The following CAST variants were observed in gnomAD, a reference collection of about 807,000 sequenced individuals.
CAST encodes the protein MIR583 host.
In CAST, 76 loss-of-function variants were observed where a neutral mutation model predicts 119.6. That is an observed-to-expected ratio of 0.64 (90% confidence interval 0.53 to 0.77). The LOEUF (loss-of-function observed/expected upper bound fraction) is 0.77, where lower values mean the gene tolerates loss of function less well. CAST is among the 30% of genes least tolerant of loss of function. CAST has a pLI of 0.00. For missense variants in CAST, 953 were observed against 946.5 expected (o/e 1.01, Z -0.09); for synonymous variants, 319 against 331.6 (o/e 0.96, Z 0.41).
At chr5:96,527,419 A>T (rs1216603840), upstream of CAST, among the ~76,000 whole-genome samples, 1 of 151,890 alleles carries the variant, frequency 6.6e-6, no homozygotes, top group Non-Finnish European at 1.5e-5. Flanking sequence ...GAGTCCCAAG[A>T]TTTTTTTTCC....
At chr5:96,496,850 G>T in the CAST span, among the ~76,000 whole-genome samples, 1 of 151,958 alleles carries the variant, frequency 6.6e-6, no homozygotes, top group Non-Finnish European at 1.5e-5. Context: ...TTTTTTAGGG[G>T]TGTTAGTGCT....
At chr5:96,683,631 T>G (rs1751710274) in intron 2 of CAST, among the ~76,000 whole-genome samples, 1 of 152,224 alleles carries the variant, frequency 6.6e-6, no homozygotes, top group Non-Finnish European at 1.5e-5. Context: ...TTTGTGGTAT[T>G]TCTCTGTGTG....
intron 1 of CAST, among the ~76,000 whole-genome samples, chr5:96,549,326 T>A (rs966429255): frequency 6.6e-6 from 1 of 152,378 alleles, no homozygotes; most frequent in East Asian, 1.9e-4. Context: ...TATTCCAAAA[T>A]TGGAGCCATC....
At chr5:96,677,086 A>G (rs1212942378) in intron 2 of CAST, among the ~76,000 whole-genome samples, 2 of 152,112 alleles carry the variant, frequency 1.3e-5, no homozygotes, top group East Asian at 3.9e-4. Context: ...GTGTCATTTA[A>G]CTCATTTATC....
the CAST span, chr5:96,416,104 G>A: frequency 6.2e-7 from 1 of 1,610,428 alleles, no homozygotes; most frequent in East Asian, 2.2e-5. Context: ...AATTTCTCCT[G>A]CACATCTGGT....
chr5:96,041,556 G>T, the CAST span, among the ~76,000 whole-genome samples: 2 of 152,090 alleles, frequency 1.3e-5, no homozygotes, highest in Non-Finnish European at 2.9e-5. Flanking sequence ...AACTACTGTG[G>T]ACCTTAGTTA....
chr5:96,519,469 A>G, the CAST span, among the ~76,000 whole-genome samples: 2 of 152,146 alleles, frequency 1.3e-5, no homozygotes, highest in South Asian at 2.1e-4. Context: ...AAGTCTTTGG[A>G]TGCTGTCAGT....
chr5:96,771,741 T>C (rs1772428406), intron 31 of CAST, 39 bp downstream of exon 31: 2 of 1,275,290 alleles, frequency 1.6e-6, no homozygotes, highest in Non-Finnish European at 2.3e-6. Context: ...GACAACTGTA[T>C]CTTCTGCCAA....
chr5:96,737,771 A>C, intron 10 of CAST, 78 bp from the exon 11 acceptor site: 1 of 763,250 alleles, frequency 1.3e-6, no homozygotes, highest in East Asian at 2.7e-5. Context: ...TCTACACAGA[A>C]TGGCTTTTTT....
the CAST span, among the ~76,000 whole-genome samples, chr5:96,260,889 G>A: frequency 1.3e-5 from 2 of 152,342 alleles, no homozygotes; most frequent in South Asian, 2.1e-4. Flanking sequence ...TAAAAGCTGT[G>A]AGTGAATAAT....
chr5:96,490,698 G>A, the CAST span, among the ~76,000 whole-genome samples: 1 of 151,852 alleles, frequency 6.6e-6, no homozygotes, highest in East Asian at 1.9e-4. Context: ...TACCTATATA[G>A]GAAAAACATA....
At chr5:96,396,474 G>A in the CAST span, among the ~76,000 whole-genome samples, 1 of 151,440 alleles carries the variant, frequency 6.6e-6, no homozygotes, top group African/African-American at 2.4e-5. Context: ...GGCAGGAGAA[G>A]CGCTTGAACC....
At chr5:95,997,813 C>G in the CAST span, among the ~76,000 whole-genome samples, 10 of 152,086 alleles carry the variant, frequency 6.6e-5, no homozygotes, top group African/African-American at 2.4e-4. Flanking sequence ...TTCTGCCAAA[C>G]TGTCAGCATT....
the CAST span, among the ~76,000 whole-genome samples, chr5:95,969,594 A>T: frequency 6.6e-6 from 1 of 152,250 alleles, no homozygotes; most frequent in Admixed American, 6.5e-5. Flanking sequence ...AATGATGGGA[A>T]TGGAGAAAAG....
chr5:96,262,004 C>T, the CAST span, among the ~76,000 whole-genome samples: 1 of 152,158 alleles, frequency 6.6e-6, no homozygotes, highest in Non-Finnish European at 1.5e-5. Flanking sequence ...CTCAGAGAAT[C>T]AATTACCCAA....
At chr5:96,513,516 G>A in the CAST span, among the ~76,000 whole-genome samples, 1 of 152,152 alleles carries the variant, frequency 6.6e-6, no homozygotes, top group East Asian at 1.9e-4. Context: ...CTGGTCAGGT[G>A]CATTAAGCAA....
At chr5:96,014,446 CAAGT>C in the CAST span, among the ~76,000 whole-genome samples, 16 of 152,186 alleles carry the variant, frequency 1.1e-4, no homozygotes. Context: ...AATACGTAAA[CAAGT>C]AACATAGTCA....
the CAST span, among the ~76,000 whole-genome samples, chr5:96,480,053 A>G: frequency 6.6e-6 from 1 of 152,194 alleles, no homozygotes; most frequent in Non-Finnish European, 1.5e-5. Context: ...ATTTTAAGTC[A>G]TGTTACAGAA....
At chr5:96,422,897 G>T in the CAST span, among the ~76,000 whole-genome samples, 1 of 151,984 alleles carries the variant, frequency 6.6e-6, no homozygotes, top group Non-Finnish European at 1.5e-5. Context: ...TGCATGGAAG[G>T]AATCACATTC....
Sources: gnomAD v4.1 joint callset for allele counts (sites outside exome capture counted in the v4.1 genomes callset) on GRCh38, gnomAD v4.1.1 for gene constraint, MANE v1.5 for transcripts, NCBI Gene and HGNC (gene_info 2026-07-23, HGNC 2026-07-21) for gene names.